FYTTD1: variants seen among roughly 807,000 people sequenced by gnomAD.
FYTTD1 encodes UAP56-interacting factor.
Under a neutral mutation model 40.9 loss-of-function variants are expected in FYTTD1, and 22 were observed. The ratio of observed to expected loss-of-function variants is 0.54; its 90% CI spans 0.38 to 0.77. FYTTD1 has a LOEUF of 0.77. FYTTD1 is among the 30% of genes least tolerant of loss of function. The pLI, the probability that FYTTD1 is intolerant of heterozygous loss-of-function variation, is 0.00. For missense variants in FYTTD1, 351 were observed against 392.2 expected (o/e 0.90, Z 0.89); for synonymous variants, 140 against 137.9 (o/e 1.01, Z -0.10).
intron 4 of FYTTD1, among the ~76,000 whole-genome samples, chr3:197,772,930 TA>T (rs773437069): frequency 3.3e-5 from 5 of 152,194 alleles, no homozygotes; most frequent in Non-Finnish European, 7.3e-5. Context: ...TGTTAATACA[TA>T]ATGGTTTCTG....
chr3:197,755,848 T>C (rs1226052008), intron 1 of FYTTD1: 4 of 1,550,618 alleles, frequency 2.6e-6, no homozygotes, highest in Admixed American at 2.0e-5. Context: ...AGTAGGAAAA[T>C]GGAGGCTTCT....
At chr3:197,768,051 A>G (rs1729603102) in intron 2 of FYTTD1, among the ~76,000 whole-genome samples, 1 of 152,226 alleles carries the variant, frequency 6.6e-6, no homozygotes, top group South Asian at 2.1e-4. Flanking sequence ...TAAAATCATC[A>G]GTGAAATATT....
chr3:197,751,609 G>T (rs1447987138), intron 1 of FYTTD1, among the ~76,000 whole-genome samples: 1 of 152,152 alleles, frequency 6.6e-6, no homozygotes, highest in Non-Finnish European at 1.5e-5. Flanking sequence ...TCCAGCCTGG[G>T]CGGCAGAGCG....
In FYTTD1 at chr3:197,783,416, A is replaced by G. The variant is rs1018594534; in HGVS notation, c.*1507A>G. 6.6e-6 allele frequency: 1 copy of G among 152,508 alleles called. No individual in the cohort carries two copies. Among genetic ancestry groups the G allele is most frequent in the Non-Finnish European group, 1.5e-5 (1 of 68,028 alleles). The allele number at this position is 152,508 out of a possible 1,614,324, so 9.4% of individuals were successfully genotyped here. ...TCATTGTTGTCTCTCATGCTTCTTG[A>G]GTTGCTTCATGGTTTATGCTCGCCA... On this transcript the variant is annotated 3_prime_UTR_variant, in exon 9 of 9. Transcript: ENST00000241502.
upstream of FYTTD1, chr3:197,749,769 A>G: frequency 1.8e-6 from 1 of 561,952 alleles, no homozygotes; most frequent in Non-Finnish European, 3.2e-6. Flanking sequence ...GAGGGCCGCT[A>G]GGAGCGAGTC....
intron 1 of FYTTD1, among the ~76,000 whole-genome samples, chr3:197,752,645 A>G (rs944541255): frequency 5.9e-5 from 9 of 152,006 alleles, no homozygotes; most frequent in Non-Finnish European, 7.4e-5. Flanking sequence ...TTATACATAC[A>G]CTATATATAT....
chr3:197,765,057 T>C (rs193294788), intron 2 of FYTTD1, among the ~76,000 whole-genome samples: 6 of 152,224 alleles, frequency 3.9e-5, no homozygotes, highest in Non-Finnish European at 7.4e-5. Flanking sequence ...TTCACCATGT[T>C]GGTCAGGCTG....
chr3:197,763,397 G>C (rs1729448002), intron 2 of FYTTD1: 3 of 326,334 alleles, frequency 9.2e-6, no homozygotes, highest in Non-Finnish European at 1.8e-5. Flanking sequence ...CTGGGCGACA[G>C]AGTGAGACTC....
At chr3:197,773,554 G>A in intron 5 of FYTTD1, 55 bp downstream of exon 5, 1 of 1,041,774 alleles carries the variant, frequency 9.6e-7, no homozygotes, top group East Asian at 2.6e-5. Flanking sequence ...TTCCCAAAGA[G>A]GATCCTGAGC....
chr3:197,751,562 G>A (rs1393289740), intron 1 of FYTTD1, among the ~76,000 whole-genome samples: 1 of 152,146 alleles, frequency 6.6e-6, no homozygotes, highest in Non-Finnish European at 1.5e-5. Context: ...TGGAACCCGC[G>A]GGCGGATGTT....
At chr3:197,760,415 T>C (rs1306351382) in intron 2 of FYTTD1, among the ~76,000 whole-genome samples, 3 of 151,970 alleles carry the variant, frequency 2.0e-5, no homozygotes, top group African/African-American at 7.3e-5. Flanking sequence ...GTAGAATGTA[T>C]AGAGTTGTTC....
In FYTTD1 at chr3:197,785,729, A is replaced by G. The variant is rs568585124; in HGVS notation, c.*3820A>G. 3.0e-4 allele frequency: 45 copies of G among 152,294 alleles called. No homozygotes were observed. Among genetic ancestry groups the G allele is most frequent in the Admixed American group, 2.2e-3 (33 of 15,286 alleles). The allele number at this position is 152,294 out of a possible 1,614,324, so 9.4% of individuals were successfully genotyped here. ...ATTTTTACTATAAGGAGATAAGAGA[A>G]AAAATAGCTCACTTGGCAGCACAGA... On this transcript the variant is annotated 3_prime_UTR_variant, in exon 9 of 9. Transcript: ENST00000241502.
chr3:197,769,545 A>G (rs1358527755), intron 3 of FYTTD1, among the ~76,000 whole-genome samples: 1 of 152,252 alleles, frequency 6.6e-6, no homozygotes, highest in Non-Finnish European at 1.5e-5. Flanking sequence ...TTAGGCTTTA[A>G]TGATGGATTT....
chr3:197,763,058 C>G (rs1183022173), intron 2 of FYTTD1, among the ~76,000 whole-genome samples: 1 of 151,860 alleles, frequency 6.6e-6, no homozygotes, highest in African/African-American at 2.4e-5. Flanking sequence ...AGATGTTTAC[C>G]CTATGTGTAA....
At chr3:197,754,453 A>G (rs1729153899) in intron 1 of FYTTD1, among the ~76,000 whole-genome samples, 1 of 152,148 alleles carries the variant, frequency 6.6e-6, no homozygotes, top group African/African-American at 2.4e-5. Flanking sequence ...GAACAGTAAT[A>G]TATTACAAAG....
intron 4 of FYTTD1, 56 bp from the exon 5 acceptor site, chr3:197,773,347 C>A: frequency 1.9e-6 from 2 of 1,057,340 alleles, no homozygotes; most frequent in South Asian, 1.4e-5. Flanking sequence ...TATTTTTCCT[C>A]AAGATGTTTG....
chr3:197,759,726 C>T (rs1304430471), intron 2 of FYTTD1, among the ~76,000 whole-genome samples: 1 of 141,244 alleles, frequency 7.1e-6, no homozygotes, highest in Non-Finnish European at 1.5e-5. Context: ...AGTGGTAGAA[C>T]GTATAGCGTG....
At chr3:197,775,358 G>A (rs1306256968) in intron 6 of FYTTD1, among the ~76,000 whole-genome samples, 6 of 152,070 alleles carry the variant, frequency 3.9e-5, no homozygotes, top group African/African-American at 1.4e-4. Flanking sequence ...ACTACTTTTT[G>A]GAAAATAAAA....
chr3:197,749,834 C>T, upstream of FYTTD1: 1 of 515,404 alleles, frequency 1.9e-6, no homozygotes, highest in Non-Finnish European at 3.2e-6. Flanking sequence ...GCCCCGCCCG[C>T]AGCCGCGGGT....
Sources: allele counts gnomAD v4.1 joint callset (sites outside exome capture counted in the v4.1 genomes callset), GRCh38; gene constraint gnomAD v4.1.1; transcripts MANE v1.5; gene names NCBI Gene and HGNC (gene_info 2026-07-23, HGNC 2026-07-21).